The following CACNA2D3 variants were observed in gnomAD, a reference collection of about 807,000 sequenced individuals.
CACNA2D3 encodes calcium voltage-gated channel auxiliary subunit alpha2delta 3.
CACNA2D3 carries 60 observed loss-of-function variants against 160.6 expected under a neutral mutation model. The ratio of observed to expected loss-of-function variants is 0.37; its 90% CI spans 0.30 to 0.46. The LOEUF is 0.46. CACNA2D3 is among the 20% of genes least tolerant of loss of function. The pLI, the probability that CACNA2D3 is intolerant of heterozygous loss-of-function variation, is 1.00. For synonymous variants in CACNA2D3, 558 were observed against 492.9 expected, an observed-to-expected ratio of 1.13 and a Z score of -1.75; for missense variants, 1,205 against 1,365.0, an observed-to-expected ratio of 0.88 and a Z score of 1.85.
At chr3:55,050,259 G>C (rs1324991852) in intron 35 of CACNA2D3, among the ~76,000 whole-genome samples, 1 of 151,110 alleles carries the variant, frequency 6.6e-6, no homozygotes, top group East Asian at 1.9e-4. Context: ...TCCTTTCCAT[G>C]TTTAGCGCTT....
At chr3:54,956,848 A>G (rs1701909555) in intron 27 of CACNA2D3, among the ~76,000 whole-genome samples, 1 of 152,036 alleles carries the variant, frequency 6.6e-6, no homozygotes, top group Non-Finnish European at 1.5e-5. Flanking sequence ...ATTTTATCTG[A>G]CAGAAAAGAA....
In CACNA2D3 at chr3:54,573,248, C is replaced by A. The variant is rs138438685; in HGVS notation, c.888+3144C>A. Among the ~76,000 whole-genome samples, 1,341 of 152,162 alleles carry A rather than the reference C, an allele frequency of 8.8e-3. 31 individuals carry two copies. Among genetic ancestry groups the A allele is most frequent in the African/African-American group, 0.03 (1,241 of 41,498 alleles). On this transcript the variant is annotated intron_variant, in intron 8 of 37. Coordinates refer to ENST00000474759, the MANE Select transcript of CACNA2D3 (RefSeq NM_018398.3). ...TTATAGTAAAATCATGAACTTTGTT[C>A]CTCTAATGGATAAGAGAATGGATCA...
intron 3 of CACNA2D3, among the ~76,000 whole-genome samples, chr3:54,341,632 A>G (rs1271911179): frequency 6.6e-6 from 1 of 152,200 alleles, no homozygotes; most frequent in Non-Finnish European, 1.5e-5. Context: ...TCAGAGCTCA[A>G]AACCCTGAGA....
At chr3:54,473,535 G>A (rs1324259331) in intron 4 of CACNA2D3, among the ~76,000 whole-genome samples, 1 of 152,178 alleles carries the variant, frequency 6.6e-6, no homozygotes, top group Non-Finnish European at 1.5e-5. Context: ...TGAGAAATGA[G>A]ATCTAATTAA....
intron 11 of CACNA2D3, among the ~76,000 whole-genome samples, chr3:54,713,458 C>T (rs998321130): frequency 4.6e-5 from 7 of 152,214 alleles, no homozygotes; most frequent in African/African-American, 1.7e-4. Context: ...AAGAGCCACC[C>T]TTCCCTGGAT....
intron 5 of CACNA2D3, among the ~76,000 whole-genome samples, chr3:54,506,992 T>TAC (rs1559500184): frequency 1.3e-5 from 2 of 152,144 alleles, no homozygotes; most frequent in African/African-American, 4.8e-5. Flanking sequence ...TATACACACA[T>TAC]ATATATATAC....
chr3:54,438,717 G>A (rs1052647004), intron 4 of CACNA2D3, among the ~76,000 whole-genome samples: 5 of 152,172 alleles, frequency 3.3e-5, no homozygotes, highest in Admixed American at 2.6e-4. Flanking sequence ...AATAGTGAGA[G>A]ACATTAAGTG....
intron 3 of CACNA2D3, among the ~76,000 whole-genome samples, chr3:54,350,366 C>T (rs767797232): frequency 6.6e-6 from 1 of 151,830 alleles, no homozygotes; most frequent in African/African-American, 2.4e-5. Context: ...TTAAATTAAG[C>T]ATCTATTGCA....
chr3:54,763,747 G>GTA (rs1702140434), intron 12 of CACNA2D3, among the ~76,000 whole-genome samples: 2 of 31,724 alleles, frequency 6.3e-5, no homozygotes, highest in Admixed American at 3.9e-4. Context: ...GTATATATGT[G>GTA]CATATATATA....
Position 54,478,988 on chromosome 3 carries a change from C to G in CACNA2D3, c.382-24504C>G, listed in dbSNP as rs75893363. Among the ~76,000 whole-genome samples, 4 of 151,134 alleles carry G rather than the reference C, an allele frequency of 2.6e-5. No homozygotes were observed. In the East Asian group the frequency reaches 7.8e-4, roughly 30 times the overall value. ...TATAGGTGATATGATTTGGCTATAT[C>G]CCCACCCAGATCTCACCTTGAATTG... On this transcript the variant is annotated intron_variant, in intron 4 of 37. Coordinates refer to ENST00000474759, the MANE Select transcript of CACNA2D3 (RefSeq NM_018398.3).
chr3:54,627,772 G>A lies in CACNA2D3; in HGVS notation c.964-15G>A, dbSNP rs776603332. 1 of 1,577,900 alleles carries A rather than the reference G, an allele frequency of 6.3e-7. No homozygotes were observed. The highest frequency in any genetic ancestry group is 8.7e-7 in the Non-Finnish European group (1 of 1,152,156). On this transcript the variant is annotated splice_polypyrimidine_tract_variant and intron_variant, in intron 9 of 37. Transcript: ENST00000474759. Reference sequence around the variant, plus strand: ...CAGGACAGACACTAATGGATTTTCTGCTTTGCTGTTTCAGCACTTCAGGGA... The same window carrying A: ...CAGGACAGACACTAATGGATTTTCTACTTTGCTGTTTCAGCACTTCAGGGA...
intron 4 of CACNA2D3, among the ~76,000 whole-genome samples, chr3:54,413,085 A>G (rs1221628279): frequency 6.6e-6 from 1 of 151,862 alleles, no homozygotes; most frequent in African/African-American, 2.4e-5. Flanking sequence ...TCTGGTAGCA[A>G]TACCACTCAG....
chr3:54,148,758 C>G (rs924885481), intron 2 of CACNA2D3, among the ~76,000 whole-genome samples: 1 of 152,126 alleles, frequency 6.6e-6, no homozygotes, highest in Non-Finnish European at 1.5e-5. Context: ...AGGCAGATCA[C>G]TTGAGGTCAG....
intron 4 of CACNA2D3, among the ~76,000 whole-genome samples, chr3:54,436,975 G>C (rs1700070703): frequency 1.3e-5 from 2 of 152,138 alleles, no homozygotes; most frequent in South Asian, 4.1e-4. Context: ...TGCAAGTAAG[G>C]CTTCTGCACT....
chr3:54,950,605 A>G (rs879678583), intron 27 of CACNA2D3, among the ~76,000 whole-genome samples: 54 of 152,230 alleles, frequency 3.5e-4, no homozygotes, highest in Non-Finnish European at 4.6e-4. Context: ...ATATGCCAAC[A>G]GGAGAGTGGA....
intron 5 of CACNA2D3, among the ~76,000 whole-genome samples, chr3:54,549,734 T>G (rs1385168022): frequency 6.6e-6 from 1 of 152,202 alleles, no homozygotes; most frequent in African/African-American, 2.4e-5. Flanking sequence ...GCTACACGCA[T>G]TTGTACAGTT....
chr3:54,774,292 C>T (rs6809269), intron 13 of CACNA2D3, among the ~76,000 whole-genome samples: 36,763 of 152,050 alleles, frequency 0.24, 4,580 homozygotes, highest in Admixed American at 0.31. Context: ...CTCAGGGTTC[C>T]GCAGGCTATG....
intron 27 of CACNA2D3, chr3:54,918,716 G>A (rs778542717): frequency 6.2e-7 from 1 of 1,614,146 alleles, no homozygotes; most frequent in South Asian, 1.1e-5. Context: ...CCCGCGTTGT[G>A]GTTCTCAGGA....
intron 2 of CACNA2D3, among the ~76,000 whole-genome samples, chr3:54,290,480 C>T (rs11130415): frequency 0.012 from 1,772 of 152,062 alleles, 28 homozygotes; most frequent in South Asian, 0.044. Flanking sequence ...ACTAGTTCAA[C>T]CATTGTGGAA....
Sources: allele counts gnomAD v4.1 joint callset (sites outside exome capture counted in the v4.1 genomes callset), GRCh38; gene constraint gnomAD v4.1.1; transcripts MANE v1.5; gene names NCBI Gene and HGNC (gene_info 2026-07-23, HGNC 2026-07-21).